The following CASD1 variants were observed in gnomAD, a reference collection of about 807,000 sequenced individuals.
CASD1 encodes N-acetylneuraminate (7)9-O-acetyltransferase.
Under a neutral mutation model 100.0 loss-of-function variants are expected in CASD1, and 41 were observed. That is an observed-to-expected ratio of 0.41 (90% CI 0.32 to 0.53). The LOEUF is 0.53. Among genes scored for constraint, CASD1 ranks in the 20% least tolerant of loss-of-function variants. The pLI is 0.25. For missense variants in CASD1, 774 were observed against 948.7 expected, an observed-to-expected ratio of 0.82 and a Z score of 2.42; for synonymous variants, 321 against 315.6, an observed-to-expected ratio of 1.02 and a Z score of -0.18.
At chr7:94,608,895 T>C in the CASD1 span, among the ~76,000 whole-genome samples, 1 of 152,176 alleles carries the variant, frequency 6.6e-6, no homozygotes, top group Non-Finnish European at 1.5e-5. Context: ...TAGATACATA[T>C]GCCCTTCACA....
the CASD1 span, chr7:94,627,889 G>C: frequency 3.4e-6 from 1 of 290,744 alleles, no homozygotes; most frequent in Non-Finnish European, 6.6e-6. Flanking sequence ...TCAAAATACA[G>C]AGCAAATAAG....
intron 13 of CASD1, 88 bp downstream of exon 13, chr7:94,547,263 T>G: frequency 1.1e-6 from 1 of 875,766 alleles, no homozygotes; most frequent in Non-Finnish European, 1.7e-6. Flanking sequence ...TCAGAGCTTT[T>G]TTTTAGCTTC....
the CASD1 span, among the ~76,000 whole-genome samples, chr7:94,571,565 T>C: frequency 6.6e-6 from 1 of 152,236 alleles, no homozygotes; most frequent in African/African-American, 2.4e-5. Context: ...TGAACCTACA[T>C]GAAGGGAGGT....
downstream of CASD1, among the ~76,000 whole-genome samples, chr7:94,561,095 A>C (rs1295157127): frequency 6.6e-6 from 1 of 152,066 alleles, no homozygotes; most frequent in Non-Finnish European, 1.5e-5. Context: ...AAAATACAAA[A>C]AATTAGCCAG....
chr7:94,606,336 TCAGA>T, the CASD1 span, among the ~76,000 whole-genome samples: 3 of 152,224 alleles, frequency 2.0e-5, no homozygotes, highest in East Asian at 1.9e-4. Flanking sequence ...TATATTAATT[TCAGA>T]CAGAGCCAAC....
intron 5 of CASD1, among the ~76,000 whole-genome samples, chr7:94,529,715 G>A (rs1794754123): frequency 6.6e-6 from 1 of 152,270 alleles, no homozygotes; most frequent in South Asian, 2.1e-4. Flanking sequence ...CTAGTAGATG[G>A]TGAATTACTG....
intron 13 of CASD1, among the ~76,000 whole-genome samples, chr7:94,549,044 G>A (rs1383152257): frequency 6.6e-6 from 1 of 151,916 alleles, no homozygotes; most frequent in Non-Finnish European, 1.5e-5. Context: ...ATAGTTAATT[G>A]TAGATTATTG....
At chr7:94,535,840 T>C (rs1795090486) in intron 8 of CASD1, among the ~76,000 whole-genome samples, 1 of 152,214 alleles carries the variant, frequency 6.6e-6, no homozygotes, top group Admixed American at 6.5e-5. Context: ...CACTCACATG[T>C]AAAAACTACT....
chr7:94,570,451 T>G, the CASD1 span, among the ~76,000 whole-genome samples: 1 of 152,212 alleles, frequency 6.6e-6, no homozygotes, highest in South Asian at 2.1e-4. Flanking sequence ...AATTACATTT[T>G]TATGCATCGT....
chr7:94,527,029 G>A, intron 3 of CASD1, 133 bp from the exon 4 acceptor site: 2 of 665,916 alleles, frequency 3.0e-6, no homozygotes, highest in Non-Finnish European at 5.2e-6. Flanking sequence ...TGAATGTATA[G>A]ATAATTGAGA....
chr7:94,528,052 A>G (rs1562937385), intron 4 of CASD1, 136 bp from the exon 5 acceptor site: 1 of 637,950 alleles, frequency 1.6e-6, no homozygotes. Flanking sequence ...CCAAATTAAG[A>G]TAGGAATTGA....
the CASD1 span, among the ~76,000 whole-genome samples, chr7:94,567,087 A>T: frequency 6.6e-6 from 1 of 151,732 alleles, no homozygotes; most frequent in Non-Finnish European, 1.5e-5. Context: ...GCTAACTGTG[A>T]TGTTTAGTCT....
intron 1 of CASD1, 67 bp downstream of exon 1, chr7:94,510,284 G>A (rs941204860): frequency 1.7e-6 from 2 of 1,205,742 alleles, no homozygotes; most frequent in South Asian, 2.0e-5. Context: ...GCTGGAGGCC[G>A]CCCCCATCGC....
At chr7:94,547,322 G>C in intron 13 of CASD1, 147 bp downstream of exon 13, 1 of 506,616 alleles carries the variant, frequency 2.0e-6, no homozygotes, top group Non-Finnish European at 3.4e-6. Flanking sequence ...TGAGTACTCA[G>C]TGTAGTTATT....
downstream of CASD1, among the ~76,000 whole-genome samples, chr7:94,559,306 A>ATGTATG (rs1796300363): frequency 1.0e-4 from 9 of 87,094 alleles, no homozygotes; most frequent in African/African-American, 4.8e-4. Flanking sequence ...GTGTGTGTGT[A>ATGTATG]TGTGTGTGTG....
At chr7:94,560,893 T>G (rs569257638), downstream of CASD1, among the ~76,000 whole-genome samples, 12 of 152,278 alleles carry the variant, frequency 7.9e-5, no homozygotes, top group African/African-American at 2.9e-4. Flanking sequence ...AGATGAGAAA[T>G]GACCTGTTAA....
At chr7:94,572,163 G>C in the CASD1 span, among the ~76,000 whole-genome samples, 1 of 152,050 alleles carries the variant, frequency 6.6e-6, no homozygotes, top group African/African-American at 2.4e-5. Context: ...TCTTCTCCTG[G>C]AGTATTTTAC....
intron 10 of CASD1, among the ~76,000 whole-genome samples, chr7:94,541,469 ATGT>A (rs1795391280): frequency 6.7e-6 from 1 of 149,160 alleles, no homozygotes; most frequent in East Asian, 2.0e-4. Context: ...TATAGATGAA[ATGT>A]TGTAAATTTA....
chr7:94,537,730 T>A lies in CASD1; in HGVS notation c.1102T>A (p.Leu368Ile). 6.2e-7 allele frequency: 1 copy of A among 1,613,824 alleles called. No homozygotes were observed. ...CCCTGTGTCTTCATTAGAAATACTT[T>A]TACAATCTTTCTGCAAACTTGGCCT... ...NTPVSSLEIL[L>I]QSFCKLGLIM... The change falls in exon 9 of 18, where the codon TTA becomes ATA. Residue 368 changes from leucine to isoleucine, a missense_variant. This residue lies in a region of CASD1 where 453 missense variants were observed against 532.6 expected (regional missense o/e 0.85). Coordinates refer to ENST00000297273, the MANE Select transcript of CASD1 (RefSeq NM_022900.5).
Sources: allele counts gnomAD v4.1 joint callset (sites outside exome capture counted in the v4.1 genomes callset), GRCh38; gene constraint gnomAD v4.1.1; regional missense constraint gnomAD v4.1.1; transcripts MANE v1.5; gene names NCBI Gene and HGNC (gene_info 2026-07-23, HGNC 2026-07-21).